The following ABI3BP variants were observed in gnomAD, a reference collection of about 807,000 sequenced individuals.
ABI3BP encodes the protein ABI family member 3 binding protein.
ABI3BP carries 216 observed loss-of-function variants against 268.6 expected under a neutral mutation model. The ratio of observed to expected loss-of-function variants is 0.80; its 90% CI spans 0.72 to 0.90. The LOEUF is 0.90. ABI3BP is among the 40% of genes least tolerant of loss of function. The pLI, the probability that ABI3BP is intolerant of heterozygous loss-of-function variation, is 0.00. For synonymous variants in ABI3BP, 730 were observed against 730.0 expected, an observed-to-expected ratio of 1.00 and a Z score of 0.00; for missense variants, 2,090 against 2,182.4, an observed-to-expected ratio of 0.96 and a Z score of 0.84.
At chr3:100,819,627 A>G (rs2098147049) in intron 40 of ABI3BP, among the ~76,000 whole-genome samples, 1 of 152,008 alleles carries the variant, frequency 6.6e-6, no homozygotes, top group Non-Finnish European at 1.5e-5. Context: ...GCATTTTTGT[A>G]TTTATGAGGA....
intron 1 of ABI3BP, among the ~76,000 whole-genome samples, chr3:100,966,672 G>C (rs2081413700): frequency 6.6e-6 from 1 of 152,088 alleles, no homozygotes; most frequent in South Asian, 2.1e-4. Context: ...TTAAATTATA[G>C]GAATTTAAAA....
rs191697235 is a variant in ABI3BP at position 100,894,186 on chromosome 3, C to T, written c.461+4576G>A. Among the ~76,000 whole-genome samples the T allele has an allele frequency of 7.6e-4, 116 of 151,890 alleles. No homozygotes were observed. The South Asian group carries it at 0.021, about 28-fold the overall frequency. ...GAATGTATCTTCGGGCCTTCATAAA[C>T]GATAGTAGGTGAAAAATAGAAAATA... is the stretch of plus-strand genomic sequence containing the variant. On this transcript the variant is annotated intron_variant, in intron 4 of 67. Coordinates refer to ENST00000471714, the MANE Select transcript of ABI3BP (RefSeq NM_001375547.2).
intron 14 of ABI3BP, among the ~76,000 whole-genome samples, chr3:100,859,814 T>C (rs2098978086): frequency 1.3e-5 from 2 of 152,200 alleles, no homozygotes; most frequent in Non-Finnish European, 2.9e-5. Flanking sequence ...TTGAGGCCTA[T>C]GGTGCTATAA....
At position 100,765,149 on chromosome 3, in the gene ABI3BP, A is replaced by G. The variant is rs570983533; in HGVS notation, c.4850+692T>C. On this transcript the variant is annotated intron_variant, in intron 63 of 67. Transcript: ENST00000471714. ...GGAACTTCCTTACTACATTTCTAGA[A>G]ATGTCTAAGACACTTATTTTTCTTT... is the stretch of plus-strand genomic sequence containing the variant. Among the ~76,000 whole-genome samples, 5 of 152,212 alleles carry G rather than the reference A, an allele frequency of 3.3e-5. No individual in the cohort carries two copies. In the South Asian group the frequency reaches 1.0e-3, roughly 32 times the overall value.
At position 100,750,416 on chromosome 3, in the gene ABI3BP, A is replaced by C; in HGVS notation, c.*79T>G. The stretch of plus-strand genomic sequence containing the variant: ...GACTTTTATACATAGTAAACAAAAT[A>C]GCTTTAAATGAATGCGGCATAGTAT... On this transcript the variant is annotated 3_prime_UTR_variant, in exon 68 of 68. Coordinates refer to ENST00000471714, the MANE Select transcript of ABI3BP (RefSeq NM_001375547.2). The C allele has an allele frequency of 9.0e-7, 1 of 1,105,966 alleles. No individual in the cohort carries two copies. The highest frequency in any genetic ancestry group is 1.3e-6 in the Non-Finnish European group (1 of 746,358). 68.5% of individuals were successfully genotyped at this position (1,105,966 alleles called of 1,614,324 possible).
intron 55 of ABI3BP, among the ~76,000 whole-genome samples, chr3:100,790,849 A>G (rs2097179560): frequency 6.6e-6 from 1 of 151,990 alleles, no homozygotes; most frequent in Non-Finnish European, 1.5e-5. Context: ...ATTCTAGAAT[A>G]TGTATAAATT....
At chr3:100,907,004 A>G (rs956043976) in intron 2 of ABI3BP, among the ~76,000 whole-genome samples, 1 of 152,212 alleles carries the variant, frequency 6.6e-6, no homozygotes, top group East Asian at 1.9e-4. Flanking sequence ...GGGGGCCTGA[A>G]AAAGGCCCTT....
intron 2 of ABI3BP, among the ~76,000 whole-genome samples, chr3:100,918,438 G>T (rs1433849469): frequency 6.6e-6 from 1 of 151,942 alleles, no homozygotes; most frequent in African/African-American, 2.4e-5. Flanking sequence ...CTTAGCTGCT[G>T]GGAGTTTTCT....
At chr3:100,816,084 T>C in intron 43 of ABI3BP, 113 bp from the exon 44 acceptor site, 1 of 796,258 alleles carries the variant, frequency 1.3e-6, no homozygotes, top group South Asian at 2.0e-5. Flanking sequence ...TTTAAAACTT[T>C]TGAATTGATA....
Position 100,752,835 on chromosome 3 carries a change from G to A in ABI3BP, c.5074C>T (p.Leu1692=). The part of the protein sequence containing the change: ...TWYKKFVGVQ[L]CNSLRYKIYL... The stretch of plus-strand genomic sequence containing the variant: ...ATCTTGTATCTGAGAGAGTTGCACA[G>A]CTGCACTCCTACAAATTTTTTATAC... Residue 1692 remains leucine (L), a synonymous_variant, in exon 66 of 68, where the codon CTG becomes TTG. Coordinates refer to ENST00000471714, the MANE Select transcript of ABI3BP (RefSeq NM_001375547.2). 6.2e-7 allele frequency: 1 copy of A among 1,613,520 alleles called. No individual in the cohort carries two copies. The highest frequency in any genetic ancestry group is 8.5e-7 in the Non-Finnish European group (1 of 1,179,708).
intron 63 of ABI3BP, 108 bp from the exon 64 acceptor site, chr3:100,754,799 T>A (rs1263360345): frequency 1.1e-6 from 1 of 871,994 alleles, no homozygotes; most frequent in African/African-American, 1.7e-5. Context: ...TTTGAAATTA[T>A]GACAGTGAAT....
intron 4 of ABI3BP, among the ~76,000 whole-genome samples, chr3:100,888,337 A>G (rs1385886807): frequency 6.6e-6 from 1 of 152,144 alleles, no homozygotes; most frequent in Non-Finnish European, 1.5e-5. Context: ...ATTTCTTGAC[A>G]AATACGCTGC....
intron 51 of ABI3BP, among the ~76,000 whole-genome samples, chr3:100,802,012 T>C (rs887529893): frequency 7.9e-5 from 12 of 152,204 alleles, no homozygotes; most frequent in African/African-American, 2.9e-4. Flanking sequence ...AATCTGGCAA[T>C]ATTTTAAAGT....
chr3:100,821,829 C>G (rs2098238654), intron 38 of ABI3BP, among the ~76,000 whole-genome samples: 1 of 151,902 alleles, frequency 6.6e-6, no homozygotes, highest in Non-Finnish European at 1.5e-5. Flanking sequence ...TCTTGAACTC[C>G]TGACCTCATG....
At chr3:100,755,717 C>T (rs2095579384) in intron 63 of ABI3BP, among the ~76,000 whole-genome samples, 1 of 152,144 alleles carries the variant, frequency 6.6e-6, no homozygotes, top group South Asian at 2.1e-4. Flanking sequence ...AGCAATTTGC[C>T]ATTTGCCTGA....
At chr3:100,987,612 G>A (rs1329841575) in intron 1 of ABI3BP, among the ~76,000 whole-genome samples, 1 of 152,148 alleles carries the variant, frequency 6.6e-6, no homozygotes, top group Non-Finnish European at 1.5e-5. Flanking sequence ...TTACCTAGTA[G>A]ATGCTTAATA....
intron 1 of ABI3BP, among the ~76,000 whole-genome samples, chr3:100,988,747 C>T (rs749869): frequency 0.19 from 28,634 of 152,146 alleles, 2,801 homozygotes; most frequent in East Asian, 0.37. Flanking sequence ...AAGTGCCAAG[C>T]TTTGTCTCCC....
Position 100,850,544 on chromosome 3 carries a change from A to G in ABI3BP, c.1426+116T>C, listed in dbSNP as rs929911185. On this transcript the variant is annotated intron_variant, in intron 16 of 67. Transcript: ENST00000471714. ...TATATAGATGTATATATTGAGAAATAGGATAGATAAATGATTAGATGTGAT... is the reference window on the plus strand; with the variant it reads ...TATATAGATGTATATATTGAGAAATGGGATAGATAAATGATTAGATGTGAT... The G allele has an allele frequency of 3.2e-5, 24 of 744,492 alleles. No homozygotes were observed. In the African/African-American group the frequency reaches 3.5e-4, roughly 11 times the overall value. 46.1% of individuals were successfully genotyped at this position (744,492 alleles called of 1,614,324 possible). A position where few individuals can be genotyped will look rare whatever the true frequency, so the allele number is the denominator to read the frequency against.
At chr3:100,844,486 G>C (rs1287013780) in intron 20 of ABI3BP, 23 of 983,394 alleles carry the variant, frequency 2.3e-5, no homozygotes, top group Non-Finnish European at 2.7e-5. Flanking sequence ...AGCCTGTAAA[G>C]GAAAGTGAAA....
Sources: gnomAD v4.1 joint callset for allele counts (sites outside exome capture counted in the v4.1 genomes callset) on GRCh38, gnomAD v4.1.1 for gene constraint, MANE v1.5 for transcripts, NCBI Gene and HGNC (gene_info 2026-07-23, HGNC 2026-07-21) for gene names.